Variants in CAMKK2 observed in about 807,000 individuals in gnomAD.
CAMKK2 encodes the protein calcium/calmodulin-dependent protein kinase kinase 2.
CAMKK2 carries 30 observed loss-of-function variants against 67.2 expected under a neutral mutation model. The ratio of observed to expected loss-of-function variants is 0.45; its 90% confidence interval spans 0.33 to 0.61. The LOEUF (loss-of-function observed/expected upper bound fraction) is 0.61, where lower values mean the gene tolerates loss of function less well. Among genes scored for constraint, CAMKK2 ranks in the 20% least tolerant of loss-of-function variants. The pLI is 0.02. For missense variants in CAMKK2, 643 were observed against 802.0 expected, an observed-to-expected ratio of 0.80 and a Z score of 2.39; for synonymous variants, 322 against 326.2, an observed-to-expected ratio of 0.99 and a Z score of 0.14.
Position 121,238,585 on chromosome 12 carries a change from G to C in CAMKK2, c.*2114C>G, listed in dbSNP as rs181795744. On this transcript the variant is annotated 3_prime_UTR_variant, in exon 17 of 17. Transcript: ENST00000404169. The stretch of plus-strand genomic sequence containing the variant: ...AAGAAAAAAAAAAAGTCATCAATGT[G>C]GGTCTCCCCCACCCCACTGCCCCCA... The C allele has an allele frequency of 3.3e-5, 5 of 152,680 alleles. No homozygotes were observed. In the East Asian group the frequency reaches 7.7e-4, roughly 24 times the overall value. 9.5% of individuals were successfully genotyped at this position (152,680 alleles called of 1,614,324 possible).
chr12:121,268,099 T>TATAC (rs755449965), intron 5 of CAMKK2, among the ~76,000 whole-genome samples: 1 of 143,472 alleles, frequency 7.0e-6, no homozygotes, highest in Non-Finnish European at 1.6e-5. Context: ...TATATATATA[T>TATAC]ACTCTATTCA....
At chr12:121,276,647 A>T (rs1026431636) in intron 1 of CAMKK2, among the ~76,000 whole-genome samples, 16 of 151,906 alleles carry the variant, frequency 1.1e-4, no homozygotes, top group Non-Finnish European at 1.8e-4. Context: ...GATGATGGCC[A>T]CTCCATGCTA....
At chr12:121,270,000 G>C (rs1895420793) in intron 3 of CAMKK2, 1 of 162,326 alleles carries the variant, frequency 6.2e-6, no homozygotes, top group Non-Finnish European at 1.4e-5. Flanking sequence ...AGTGAGCCAA[G>C]ATTTCGGCAC....
rs1891221743 is a variant in CAMKK2 at position 121,253,511 on chromosome 12, G to A, written c.908-39C>T. 6.4e-7 allele frequency: 1 copy of A among 1,569,126 alleles called. No individual in the cohort carries two copies. Among genetic ancestry groups the A allele is most frequent in the Non-Finnish European group, 8.8e-7 (1 of 1,139,608 alleles). On this transcript the variant is annotated intron_variant, in intron 9 of 16. Transcript: ENST00000404169. This position sits in a 1 kb window ranked among gnomAD's most constrained non-coding sequence, Gnocchi z 5.0. ...GACAGCAGGTGGGAGATAGGGGCAGGAAAACCTCGTGAGCACCTCTATGCG... is the reference window on the plus strand; with the variant it reads ...GACAGCAGGTGGGAGATAGGGGCAGAAAAACCTCGTGAGCACCTCTATGCG...
chr12:121,272,778 G>A (rs765833128), intron 2 of CAMKK2, among the ~76,000 whole-genome samples: 2 of 151,866 alleles, frequency 1.3e-5, no homozygotes, highest in African/African-American at 4.8e-5. Context: ...TGAGCTGAGG[G>A]AGGAGAATAG....
In CAMKK2 at chr12:121,240,761, C is replaced by CG. The variant is rs771562905; in HGVS notation, c.1704dup (p.Ala569ArgfsTer45). The CG allele has an allele frequency of 4.4e-6, 7 of 1,608,674 alleles. No homozygotes were observed. Among genetic ancestry groups the CG allele is most frequent in the Non-Finnish European group, 8.5e-7 (1 of 1,178,770 alleles). On this transcript the variant is annotated frameshift_variant, in exon 17 of 17. Coordinates refer to ENST00000404169, the MANE Select transcript of CAMKK2 (RefSeq NM_001270485.2). LOFTEE classifies it low-confidence loss of function (END_TRUNC). The surrounding 1 kb of genome is among the most constrained non-coding windows in gnomAD (Gnocchi z 4.4). The stretch of plus-strand genomic sequence containing the variant: ...TGCATGCGTGCGGGGGAGCCGGGGG[C>CG]GGGGGCCCAGCAACTTTCCACGCAG...
intron 9 of CAMKK2, among the ~76,000 whole-genome samples, chr12:121,254,154 G>A (rs941450889): frequency 1.3e-5 from 2 of 152,120 alleles, no homozygotes; most frequent in Non-Finnish European, 2.9e-5. Context: ...TATGTGACAG[G>A]CAGGGATAAG....
chr12:121,240,027 T>C lies in CAMKK2; in HGVS notation c.*672A>G. ...AGAAATGTTTCCCCACCACAGCTGC[T>C]GAATACCCTTCCAGGCTTGGAAAAT... is the stretch of plus-strand genomic sequence containing the variant. On this transcript the variant is annotated 3_prime_UTR_variant, in exon 17 of 17. Transcript: ENST00000404169. The surrounding 1 kb of genome is among the most constrained non-coding windows in gnomAD (Gnocchi z 4.4). 1 of 169,836 alleles carries C rather than the reference T, an allele frequency of 5.9e-6. No individual in the cohort carries two copies. Among genetic ancestry groups the C allele is most frequent in the Non-Finnish European group, 1.3e-5 (1 of 77,978 alleles). The allele number at this position is 169,836 out of a possible 1,614,324, so 10.5% of individuals were successfully genotyped here.
chr12:121,274,429 G>A lies in CAMKK2; in HGVS notation c.98C>T (p.Pro33Leu), dbSNP rs528343390. Residue 33 changes from proline (P) to leucine (L), a missense_variant, in exon 2 of 17, where the codon CCC becomes CTC. Physicochemically the swap from Pro to Leu is moderately conservative, Grantham distance 98 (BLOSUM62 -3). Coordinates refer to ENST00000404169, the MANE Select transcript of CAMKK2 (RefSeq NM_001270485.2). Reference sequence around the variant, plus strand: ...TGAGAGGCCCCGCAGGGCCTCACAGGGCTTCTGGCTTTCGCTGCTGCTGCT... The same window carrying A: ...TGAGAGGCCCCGCAGGGCCTCACAGAGCTTCTGGCTTTCGCTGCTGCTGCT... The part of the protein sequence containing the change: ...RGSSSSESQK[P>L]CEALRGLSSL... The A allele has an allele frequency of 1.9e-6, 3 of 1,613,206 alleles. No homozygotes were observed. The highest frequency in any genetic ancestry group is 2.7e-5 in the African/African-American group (2 of 75,068).
At chr12:121,273,857 C>T (rs1896242251) in intron 2 of CAMKK2, among the ~76,000 whole-genome samples, 199 bp downstream of exon 2, 1 of 152,136 alleles carries the variant, frequency 6.6e-6, no homozygotes, top group South Asian at 2.1e-4. Flanking sequence ...GACTGCCTTC[C>T]CTTCCCCATG....
In CAMKK2 at chr12:121,255,370, ATATATATAATTT is replaced by A. The variant is rs1440467407; in HGVS notation, c.907+168_907+179del. 2.0e-3 allele frequency among the ~76,000 whole-genome samples: 60 copies of A among 29,734 alleles called. 11 individuals are homozygous for A. Among genetic ancestry groups the A allele is most frequent in the South Asian group, 5.2e-3 (3 of 582 alleles). 19.5% of individuals were successfully genotyped at this position (29,734 alleles called of 152,430 possible). A position where few individuals can be genotyped will look rare whatever the true frequency, so the allele number is the denominator to read the frequency against. On this transcript the variant is annotated intron_variant, in intron 9 of 16. Transcript: ENST00000404169. Reference sequence around the variant, plus strand: ...TATATATAATTATATATATAATTTTATATATATAATTTTATATATATATATGTATCTCCTATT... The same window carrying A: ...TATATATAATTATATATATAATTTTATATATATATATATGTATCTCCTATT...
chr12:121,260,453 G>A (rs1227882411), intron 6 of CAMKK2, 98 bp from the exon 7 acceptor site: 8 of 1,095,364 alleles, frequency 7.3e-6, no homozygotes, highest in Non-Finnish European at 9.6e-6. Flanking sequence ...ACGTGGCTGC[G>A]TTTGCCAACA....
At position 121,274,547 on chromosome 12, in the gene CAMKK2, C is replaced by T. The variant is rs1438086855; in HGVS notation, c.-21G>A. On this transcript the variant is annotated 5_prime_UTR_variant, in exon 2 of 17. Transcript: ENST00000404169. ...GACATGGTGCATGCGCCAGCTTCATCCAGCACACTGGGGCACTCCCATCCG... is the reference window on the plus strand; with the variant it reads ...GACATGGTGCATGCGCCAGCTTCATTCAGCACACTGGGGCACTCCCATCCG... 3 of 1,563,442 alleles carry T rather than the reference C, an allele frequency of 1.9e-6. No homozygotes were observed. The highest frequency in any genetic ancestry group is 8.7e-7 in the Non-Finnish European group (1 of 1,147,942).
chr12:121,241,757 G>A (rs927111627), intron 16 of CAMKK2, among the ~76,000 whole-genome samples: 1 of 152,250 alleles, frequency 6.6e-6, no homozygotes, highest in Non-Finnish European at 1.5e-5. Context: ...GAGAATGTGG[G>A]TAAGGTCCCT....
rs199704325 is a variant in CAMKK2 at position 121,268,637 on chromosome 12, C to T, written c.625+1G>A. On this transcript the variant is annotated splice_donor_variant, in intron 5 of 16. Coordinates refer to ENST00000404169, the MANE Select transcript of CAMKK2 (RefSeq NM_001270485.2). LOFTEE classifies it high-confidence loss of function. ...TAACAACAAAGGCCCGCCAAACTCA[C>T]GTGGAAAGCCGGCCTGCCGGATCAG... 1.9e-6 allele frequency: 3 copies of T among 1,613,868 alleles called. No homozygotes were observed. The highest frequency in any genetic ancestry group is 1.1e-5 in the South Asian group (1 of 91,090).
intron 7 of CAMKK2, among the ~76,000 whole-genome samples, chr12:121,259,862 C>T (rs1174480930): frequency 1.3e-5 from 2 of 152,060 alleles, no homozygotes; most frequent in Non-Finnish European, 2.9e-5. Context: ...GCAGGAGGAT[C>T]TCTTGGGCCC....
At chr12:121,249,039 C>A (rs1890098192) in intron 13 of CAMKK2, among the ~76,000 whole-genome samples, 1 of 152,264 alleles carries the variant, frequency 6.6e-6, no homozygotes, top group Non-Finnish European at 1.5e-5. Context: ...GAGCATCCAT[C>A]ACTCCTCAGC....
At chr12:121,259,094 G>A (rs1593349376) in intron 7 of CAMKK2, among the ~76,000 whole-genome samples, 1 of 151,992 alleles carries the variant, frequency 6.6e-6, no homozygotes, top group South Asian at 2.1e-4. Flanking sequence ...CCACCCGCTC[G>A]GACTCCCAAA....
rs577346727 is a variant in CAMKK2 at position 121,254,279 on chromosome 12, G to A, written c.908-807C>T. Among the ~76,000 whole-genome samples, 18 of 152,024 alleles carry A rather than the reference G, an allele frequency of 1.2e-4. No homozygotes were observed. In the South Asian group the frequency reaches 3.1e-3, roughly 26 times the overall value. On this transcript the variant is annotated intron_variant, in intron 9 of 16. Coordinates refer to ENST00000404169, the MANE Select transcript of CAMKK2 (RefSeq NM_001270485.2). ...TCAAGACCAGCCTGGCCAACATAGCGAAACCCCATCTCTACAAAAAATACA... is the reference window on the plus strand; with the variant it reads ...TCAAGACCAGCCTGGCCAACATAGCAAAACCCCATCTCTACAAAAAATACA...
Sources: allele counts gnomAD v4.1 joint callset (sites outside exome capture counted in the v4.1 genomes callset), GRCh38; gene constraint gnomAD v4.1.1; non-coding constraint Gnocchi (gnomAD v3.1); transcripts MANE v1.5; gene names NCBI Gene and HGNC (gene_info 2026-07-23, HGNC 2026-07-21).